The following PACSIN2 variants were observed in gnomAD, a reference collection of about 807,000 sequenced individuals.
The protein encoded by PACSIN2 is protein kinase C and casein kinase substrate in neurons 2.
PACSIN2 carries 25 observed loss-of-function variants against 63.8 expected under a neutral mutation model. That is an observed-to-expected ratio of 0.39 (90% CI 0.29 to 0.55). The LOEUF (loss-of-function observed/expected upper bound fraction) is 0.55. PACSIN2 is among the 20% of genes least tolerant of loss of function. PACSIN2 has a pLI of 0.62. For synonymous variants in PACSIN2, 255 were observed against 256.2 expected, an observed-to-expected ratio of 1.00 and a Z score of 0.05; for missense variants, 518 against 646.9, an observed-to-expected ratio of 0.80 and a Z score of 2.16.
intron 1 of PACSIN2, chr22:42,959,633 T>C (rs1215535556): frequency 6.6e-6 from 1 of 152,268 alleles, no homozygotes; most frequent in African/African-American, 2.4e-5. Context: ...AATAATGAAC[T>C]AATTGAACAT....
intron 1 of PACSIN2, among the ~76,000 whole-genome samples, chr22:42,982,888 A>AAAAAAC (rs759532303): frequency 1.3e-4 from 14 of 105,020 alleles, no homozygotes; most frequent in Middle Eastern, 4.9e-3. Context: ...AAAAAAAAAA[A>AAAAAAC]AACAACAACA....
chr22:42,880,639 TA>T (rs1929001155), intron 7 of PACSIN2: 1 of 152,002 alleles, frequency 6.6e-6, no homozygotes, highest in African/African-American at 2.4e-5. Flanking sequence ...GCATGAAAAA[TA>T]AAAACAAAGA....
intron 2 of PACSIN2, among the ~76,000 whole-genome samples, chr22:42,898,692 C>A (rs774547151): frequency 9.9e-5 from 15 of 152,106 alleles, no homozygotes; most frequent in Non-Finnish European, 2.2e-4. Flanking sequence ...TCCCCATGCC[C>A]TTCCCCGAGC....
intron 10 of PACSIN2, among the ~76,000 whole-genome samples, chr22:42,872,462 C>T (rs1051755272): frequency 1.3e-5 from 2 of 152,252 alleles, no homozygotes; most frequent in African/African-American, 4.8e-5. Flanking sequence ...TTTTGTAACT[C>T]TCTTTGGCAT....
chr22:43,012,692 GC>G (rs1441632827), intron 1 of PACSIN2, among the ~76,000 whole-genome samples: 4 of 149,062 alleles, frequency 2.7e-5, no homozygotes, highest in Non-Finnish European at 4.5e-5. Flanking sequence ...TGCTCTTGTT[GC>G]CTAGGCTGGA....
At chr22:42,872,562 G>A (rs1928245438) in intron 10 of PACSIN2, among the ~76,000 whole-genome samples, 1 of 152,216 alleles carries the variant, frequency 6.6e-6, no homozygotes, top group Non-Finnish European at 1.5e-5. Flanking sequence ...AGCAATGCTG[G>A]TCAACATGCC....
At chr22:42,874,547 CCCCACCTGGCCCAGGG>C (rs1928437077) in intron 10 of PACSIN2, among the ~76,000 whole-genome samples, 1 of 152,174 alleles carries the variant, frequency 6.6e-6, no homozygotes, top group South Asian at 2.1e-4. Flanking sequence ...TGAGACAAGG[CCCCACCTGGCCCAGGG>C]GCATGCCAAG....
rs1471959026 is a variant in PACSIN2, at chr22:42,921,138, T to C, written c.-77-8981A>G. 2.6e-5 allele frequency among the ~76,000 whole-genome samples: 4 copies of C among 151,866 alleles called. No homozygotes were observed. The East Asian group carries it at 7.7e-4, about 29-fold the overall frequency. On this transcript the variant is annotated intron_variant, in intron 1 of 10. Coordinates refer to ENST00000263246, the MANE Select transcript of PACSIN2 (RefSeq NM_001184970.3). ...ACTTTGGGAGGCCGAGAAGGGCAGA[T>C]CATGAGGTCAGGAGATAGAGACCAT...
chr22:42,933,237 C>T (rs544063824), intron 1 of PACSIN2, among the ~76,000 whole-genome samples: 1 of 152,236 alleles, frequency 6.6e-6, no homozygotes, highest in Non-Finnish European at 1.5e-5. Flanking sequence ...ACCTCCCCAA[C>T]TTTCCTTAAA....
At chr22:42,874,697 G>A (rs1015023343) in intron 10 of PACSIN2, among the ~76,000 whole-genome samples, 1 of 152,164 alleles carries the variant, frequency 6.6e-6, no homozygotes, top group Middle Eastern at 3.2e-3. Context: ...TACATATGGG[G>A]GAACCTGGTG....
At chr22:43,014,341 C>CACAG (rs1467296091) in intron 1 of PACSIN2, among the ~76,000 whole-genome samples, 1 of 19,472 alleles carries the variant, frequency 5.1e-5, no homozygotes, top group Non-Finnish European at 8.6e-5. Context: ...CACACACACA[C>CACAG]ACACACACAC....
intron 1 of PACSIN2, among the ~76,000 whole-genome samples, chr22:42,970,425 C>T (rs994863607): frequency 6.6e-6 from 1 of 152,100 alleles, no homozygotes; most frequent in Non-Finnish European, 1.5e-5. Flanking sequence ...CAAAGAAAGT[C>T]CATAGTTTAT....
chr22:42,904,964 C>T (rs1930968386), intron 2 of PACSIN2, among the ~76,000 whole-genome samples: 1 of 152,164 alleles, frequency 6.6e-6, no homozygotes, highest in African/African-American at 2.4e-5. Context: ...ACTACGGACC[C>T]CACCGGCTCT....
At chr22:42,934,939 A>T (rs1932867204) in intron 1 of PACSIN2, among the ~76,000 whole-genome samples, 1 of 150,624 alleles carries the variant, frequency 6.6e-6, no homozygotes, top group Admixed American at 6.6e-5. Context: ...TTTTTGAGAC[A>T]GAGTTTCGCT....
intron 2 of PACSIN2, among the ~76,000 whole-genome samples, chr22:42,899,442 C>T (rs190528229): frequency 7.9e-4 from 121 of 152,222 alleles, no homozygotes; most frequent in African/African-American, 2.9e-3. Context: ...AGGCAGAGCA[C>T]ACAGAGACAC....
Position 42,888,704 on chromosome 22 carries a change from T to A in PACSIN2, c.548A>T (p.Asn183Ile). Residue 183 changes from asparagine (N) to isoleucine (I), a missense_variant, in exon 5 of 11, where the codon AAC (asparagine) becomes ATC (isoleucine). By Grantham distance (149) the Asn-to-Ile change is moderately radical. Coordinates refer to ENST00000263246, the MANE Select transcript of PACSIN2 (RefSeq NM_001184970.3). ...EANSKADPSL[N>I]PEQLKKLQDK... ...TTGCAATTTCTTGAGCTGTTCAGGG[T>A]TGAGGGATGGGTCTGCCTTGCTGTT... The A allele has an allele frequency of 6.2e-7, 1 of 1,614,090 alleles. No homozygotes were observed. The highest frequency in any genetic ancestry group is 8.5e-7 in the Non-Finnish European group (1 of 1,180,020).
chr22:42,889,689 C>T (rs528252981), intron 4 of PACSIN2, among the ~76,000 whole-genome samples: 148 of 152,206 alleles, frequency 9.7e-4, no homozygotes, highest in African/African-American at 3.5e-3. Flanking sequence ...CTACCGTCTA[C>T]TCCATTCCAG....
chr22:42,905,115 A>T lies in PACSIN2; in HGVS notation c.60+6906T>A, dbSNP rs1431688391. Among the ~76,000 whole-genome samples, 5 of 152,278 alleles carry T rather than the reference A, an allele frequency of 3.3e-5. No individual in the cohort carries two copies. The South Asian group carries it at 6.2e-4, about 19-fold the overall frequency. On this transcript the variant is annotated intron_variant, in intron 2 of 10. Transcript: ENST00000263246. ...CTACAGAAATGCACAAAAAAAATTT[A>T]AAAAATTTTATCTTCAGAAGACAAG...
chr22:42,934,890 C>CTTTCT (rs1001650358), intron 1 of PACSIN2, among the ~76,000 whole-genome samples: 11 of 95,128 alleles, frequency 1.2e-4, no homozygotes, highest in Non-Finnish European at 1.9e-4. Flanking sequence ...TTTCTTTTCT[C>CTTTCT]TTTCTTTTCT....
Sources: allele counts gnomAD v4.1 joint callset (sites outside exome capture counted in the v4.1 genomes callset), GRCh38; gene constraint gnomAD v4.1.1; transcripts MANE v1.5; gene names NCBI Gene and HGNC (gene_info 2026-07-23, HGNC 2026-07-21).